DIS3L2: variants seen among roughly 807,000 people sequenced by gnomAD.
DIS3L2 encodes the protein DIS3 like 3'-5' exoribonuclease 2.
A neutral mutation model predicts 97.5 loss-of-function variants in DIS3L2; 34 were observed. The ratio of observed to expected loss-of-function variants is 0.35; its 90% CI spans 0.27 to 0.46. The LOEUF (loss-of-function observed/expected upper bound fraction) is 0.46. Ranked by LOEUF, DIS3L2 falls within the 20% of genes least tolerant of loss-of-function variation. The pLI, the probability that DIS3L2 is intolerant of heterozygous loss-of-function variation, is 1.00. For synonymous variants in DIS3L2, 435 were observed against 445.2 expected (o/e 0.98, Z 0.29); for missense variants, 1,038 against 1,146.0 (o/e 0.91, Z 1.36).
intron 14 of DIS3L2, among the ~76,000 whole-genome samples, chr2:232,300,531 A>C (rs1694827116): frequency 6.6e-6 from 1 of 152,012 alleles, no homozygotes; most frequent in Non-Finnish European, 1.5e-5. Flanking sequence ...TACCTTGTAA[A>C]TTTTATATTA....
Position 232,037,854 on chromosome 2 carries a change from G to A in DIS3L2, c.366+7774G>A, listed in dbSNP as rs551860561. ...CCCACCCTGCTTTGGCTTGCCCTCC[G>A]TGGGCTGCACCCACTGGCTAACCAG... On this transcript the variant is annotated intron_variant, in intron 5 of 20. Transcript: ENST00000325385. This position sits in a 1 kb window ranked among gnomAD's most constrained non-coding sequence, Gnocchi z 4.6. Among the ~76,000 whole-genome samples, 14 of 152,280 alleles carry A rather than the reference G, an allele frequency of 9.2e-5. No homozygotes were observed. Among genetic ancestry groups the A allele is most frequent in the African/African-American group, 2.2e-4 (9 of 41,556 alleles).
intron 10 of DIS3L2, among the ~76,000 whole-genome samples, chr2:232,234,468 G>C (rs1290153993): frequency 6.6e-6 from 1 of 152,184 alleles, no homozygotes; most frequent in Non-Finnish European, 1.5e-5. Flanking sequence ...TCCTGCCTCA[G>C]CCTCCCAAGT....
At chr2:232,144,607 T>C (rs918610649) in intron 8 of DIS3L2, among the ~76,000 whole-genome samples, 1 of 152,142 alleles carries the variant, frequency 6.6e-6, no homozygotes, top group East Asian at 1.9e-4. Context: ...GGAATACTTA[T>C]CAGAAGTAAG....
chr2:232,114,543 C>G (rs1279905949), intron 6 of DIS3L2, among the ~76,000 whole-genome samples: 1 of 152,032 alleles, frequency 6.6e-6, no homozygotes, highest in African/African-American at 2.4e-5. Flanking sequence ...ATCCAGTGGG[C>G]AATTGGAAAT....
intron 5 of DIS3L2, among the ~76,000 whole-genome samples, chr2:232,038,141 G>A (rs2106249291): frequency 6.6e-6 from 1 of 152,246 alleles, no homozygotes; most frequent in African/African-American, 2.4e-5. Flanking sequence ...TCATGTTTTA[G>A]GTATATAGGT....
At chr2:232,207,699 C>T (rs1288137801) in intron 9 of DIS3L2, among the ~76,000 whole-genome samples, 1 of 152,162 alleles carries the variant, frequency 6.6e-6, no homozygotes, top group African/African-American at 2.4e-5. Flanking sequence ...CTACCTTTCC[C>T]TGCCCTATTT....
chr2:232,139,455 G>A (rs1698450408), intron 8 of DIS3L2, among the ~76,000 whole-genome samples: 1 of 152,130 alleles, frequency 6.6e-6, no homozygotes, highest in Admixed American at 6.6e-5. Context: ...GGTCTAGCTT[G>A]AGGCAGGTGT....
Position 232,080,209 on chromosome 2 carries a change from G to A in DIS3L2, c.367-7278G>A, listed in dbSNP as rs1184566005. On this transcript the variant is annotated intron_variant, in intron 5 of 20. Coordinates refer to ENST00000325385, the MANE Select transcript of DIS3L2 (RefSeq NM_152383.5). ...GGGAGAGGGTCAAGGGTAGTGCTGC[G>A]GTTTAGGGCTGGAGGAACTAGATGG... Among the ~76,000 whole-genome samples the A allele has an allele frequency of 4.6e-5, 7 of 152,248 alleles. No homozygotes were observed. The East Asian group carries it at 9.7e-4, about 21-fold the overall frequency.
intron 8 of DIS3L2, among the ~76,000 whole-genome samples, chr2:232,158,725 C>T (rs1690570399): frequency 6.6e-6 from 1 of 152,016 alleles, no homozygotes; most frequent in African/African-American, 2.4e-5. Flanking sequence ...CCCAGACAGA[C>T]AGTTAAAGAC....
chr2:232,303,899 C>G (rs539673968), intron 14 of DIS3L2, among the ~76,000 whole-genome samples: 1 of 152,268 alleles, frequency 6.6e-6, no homozygotes, highest in African/African-American at 2.4e-5. Flanking sequence ...GAGGACAGTC[C>G]CTAGGACTTG....
chr2:232,280,228 TTGCCAGGCATGA>T (rs1694246778), intron 13 of DIS3L2, among the ~76,000 whole-genome samples: 3 of 152,218 alleles, frequency 2.0e-5, no homozygotes, highest in Admixed American at 2.0e-4. Flanking sequence ...CCTAGGAGCC[TTGCCAGGCATGA>T]TGCTCTCTGT....
rs575053014 is a variant in DIS3L2 at position 232,124,752 on chromosome 2, A to T, written c.602-5867A>T. On this transcript the variant is annotated intron_variant, in intron 6 of 20. Transcript: ENST00000325385. ...TGACTGCAAGTCTAATTTTTAAAAA[A>T]ATATCCAAATTTAGATACACCAGGA... Among the ~76,000 whole-genome samples, 36 of 152,310 alleles carry T rather than the reference A, an allele frequency of 2.4e-4. No individual in the cohort carries two copies. The South Asian group carries it at 7.2e-3, about 31-fold the overall frequency.
chr2:232,163,410 G>T (rs1435155060), intron 8 of DIS3L2, 49 bp from the exon 9 acceptor site: 4 of 1,584,140 alleles, frequency 2.5e-6, no homozygotes, highest in Non-Finnish European at 3.4e-6. Context: ...AGGTACCTAT[G>T]TTCCATTTGT....
At chr2:232,217,868 T>C (rs1465771526) in intron 10 of DIS3L2, among the ~76,000 whole-genome samples, 6 of 152,256 alleles carry the variant, frequency 3.9e-5, no homozygotes, top group Admixed American at 2.0e-4. Context: ...ATAGGCATGA[T>C]TGAAGCATGG....
chr2:232,327,294 T>G (rs1695605776), intron 14 of DIS3L2, among the ~76,000 whole-genome samples: 1 of 152,196 alleles, frequency 6.6e-6, no homozygotes, highest in Non-Finnish European at 1.5e-5. Context: ...CTGGCCACAC[T>G]GCAAAATGCA....
intron 5 of DIS3L2, among the ~76,000 whole-genome samples, chr2:232,033,001 A>T (rs1373093901): frequency 6.6e-6 from 1 of 152,114 alleles, no homozygotes; most frequent in African/African-American, 2.4e-5. Context: ...TATGAAATTT[A>T]AAGTTTTTTC....
chr2:232,313,824 A>G (rs979101567), intron 14 of DIS3L2, among the ~76,000 whole-genome samples: 8 of 152,316 alleles, frequency 5.3e-5, no homozygotes, highest in Admixed American at 4.6e-4. Context: ...GGCAAGGAGG[A>G]GCAAGTCACA....
At chr2:232,316,890 C>T (rs909107082) in intron 14 of DIS3L2, among the ~76,000 whole-genome samples, 1 of 152,204 alleles carries the variant, frequency 6.6e-6, no homozygotes, top group Non-Finnish European at 1.5e-5. Context: ...CATAAATCTT[C>T]TAGGAAACCA....
intron 5 of DIS3L2, among the ~76,000 whole-genome samples, chr2:232,063,230 A>G (rs191281463): frequency 1.3e-5 from 2 of 152,222 alleles, no homozygotes; most frequent in East Asian, 3.9e-4. Flanking sequence ...TTTCTATGTA[A>G]AGTCCTATAG....
Sources: allele counts gnomAD v4.1 joint callset (sites outside exome capture counted in the v4.1 genomes callset), GRCh38; gene constraint gnomAD v4.1.1; non-coding constraint Gnocchi (gnomAD v3.1); transcripts MANE v1.5; gene names NCBI Gene and HGNC (gene_info 2026-07-23, HGNC 2026-07-21).